Variants in SEMA6D observed in about 807,000 individuals in gnomAD.
SEMA6D encodes the protein semaphorin-6D.
SEMA6D carries 35 observed loss-of-function variants against 106.6 expected under a neutral mutation model. The observed-to-expected ratio is 0.33, with a 90% CI of 0.25 to 0.44. The LOEUF (loss-of-function observed/expected upper bound fraction) is 0.44. Among genes scored for constraint, SEMA6D ranks in the 20% least tolerant of loss-of-function variants. The pLI, the probability that SEMA6D is intolerant of heterozygous loss-of-function variation, is 1.00. For synonymous variants in SEMA6D, 499 were observed against 487.7 expected (o/e 1.02, Z -0.31); for missense variants, 1,185 against 1,345.9 (o/e 0.88, Z 1.87).
At chr15:47,307,574 T>C (rs969403178) in intron 1 of SEMA6D, among the ~76,000 whole-genome samples, 1 of 151,756 alleles carries the variant, frequency 6.6e-6, no homozygotes, top group Non-Finnish European at 1.5e-5. Context: ...TTGAGCTTAG[T>C]ACATCTCATT....
intron 1 of SEMA6D, chr15:47,185,895 C>T (rs1052828802): frequency 6.6e-5 from 10 of 152,044 alleles, no homozygotes; most frequent in Non-Finnish European, 1.5e-4. Flanking sequence ...AATGCTCTTT[C>T]TTTTTCTGAG....
intron 2 of SEMA6D, among the ~76,000 whole-genome samples, chr15:47,414,260 CATGATT>C (rs1320022127): frequency 6.6e-6 from 1 of 152,110 alleles, no homozygotes. Context: ...TGTTTTATTT[CATGATT>C]TAGAAGTGCT....
chr15:47,760,656 C>G (rs545894229), intron 3 of SEMA6D, among the ~76,000 whole-genome samples: 76 of 131,550 alleles, frequency 5.8e-4, no homozygotes, highest in African/African-American at 2.3e-3. Context: ...TTTCCTAAAG[C>G]AGCAGGGGAA....
intron 3 of SEMA6D, among the ~76,000 whole-genome samples, chr15:47,524,592 A>T (rs1208940596): frequency 2.0e-5 from 3 of 152,216 alleles, no homozygotes; most frequent in Non-Finnish European, 4.4e-5. Context: ...ATTATAAATG[A>T]CTTAATACCA....
chr15:47,730,946 G>T lies in SEMA6D; in HGVS notation c.-55+13254G>T, dbSNP rs971709652. 7.0e-6 allele frequency: 5 copies of T among 709,676 alleles called. No individual in the cohort carries two copies. In the African/African-American group the frequency reaches 8.8e-5, roughly 13 times the overall value. 44.0% of individuals were successfully genotyped at this position (709,676 alleles called of 1,614,324 possible). On this transcript the variant is annotated intron_variant, in intron 1 of 18. Transcript: ENST00000536845. Reference sequence around the variant, plus strand: ...CTTTCCTTTCAGCATCTTGGGCAGCGGGAGGAGAGAGCAATCTTCCTATTT... The same window carrying T: ...CTTTCCTTTCAGCATCTTGGGCAGCTGGAGGAGAGAGCAATCTTCCTATTT...
chr15:47,586,478 C>A (rs1360758752), intron 3 of SEMA6D, among the ~76,000 whole-genome samples: 1 of 152,190 alleles, frequency 6.6e-6, no homozygotes, highest in Non-Finnish European at 1.5e-5. Flanking sequence ...TTTTACAAAG[C>A]TATAACTTTT....
intron 1 of SEMA6D, among the ~76,000 whole-genome samples, chr15:47,354,913 C>A (rs954797638): frequency 6.6e-6 from 1 of 152,112 alleles, no homozygotes; most frequent in Non-Finnish European, 1.5e-5. Context: ...CAAAATCACT[C>A]AAAAATTTGT....
intron 1 of SEMA6D, among the ~76,000 whole-genome samples, chr15:47,203,849 TATTTA>T (rs1357232745): frequency 6.6e-6 from 1 of 152,234 alleles, no homozygotes; most frequent in East Asian, 1.9e-4. Context: ...CCTATTTGTT[TATTTA>T]ATTTAAGAGA....
chr15:47,581,967 A>G (rs1406382324), intron 3 of SEMA6D, among the ~76,000 whole-genome samples: 2 of 152,188 alleles, frequency 1.3e-5, no homozygotes, highest in Non-Finnish European at 2.9e-5. Context: ...GGGAAAGAGG[A>G]TATCGATTGG....
intron 2 of SEMA6D, among the ~76,000 whole-genome samples, chr15:47,448,107 C>G (rs954451855): frequency 2.6e-5 from 4 of 152,066 alleles, no homozygotes; most frequent in Non-Finnish European, 5.9e-5. Context: ...GGGTGTCCTG[C>G]CATTGGCTTT....
At chr15:47,580,671 A>G (rs987994559) in intron 3 of SEMA6D, among the ~76,000 whole-genome samples, 1 of 152,208 alleles carries the variant, frequency 6.6e-6, no homozygotes, top group Non-Finnish European at 1.5e-5. Context: ...AAAGCCCACT[A>G]TGCACCAGGC....
intron 1 of SEMA6D, among the ~76,000 whole-genome samples, chr15:47,265,325 T>TG (rs2034267164): frequency 6.6e-6 from 1 of 151,984 alleles, no homozygotes; most frequent in Non-Finnish European, 1.5e-5. Flanking sequence ...TTATTTCTCT[T>TG]GAGTCAGTTT....
At chr15:47,675,047 C>A (rs1008462323) in intron 4 of SEMA6D, among the ~76,000 whole-genome samples, 1 of 152,176 alleles carries the variant, frequency 6.6e-6, no homozygotes, top group Non-Finnish European at 1.5e-5. Flanking sequence ...GCAATGTAAG[C>A]CACAGAGGTG....
At chr15:47,287,301 A>G (rs919070907) in intron 1 of SEMA6D, among the ~76,000 whole-genome samples, 20 of 152,226 alleles carry the variant, frequency 1.3e-4, no homozygotes, top group Admixed American at 6.5e-5. Context: ...AGGCAATGGT[A>G]TGTAGTGGCT....
chr15:47,640,679 G>T (rs2077472761), intron 4 of SEMA6D, among the ~76,000 whole-genome samples: 1 of 152,150 alleles, frequency 6.6e-6, no homozygotes, highest in Non-Finnish European at 1.5e-5. Flanking sequence ...CGAACTGAGG[G>T]TCGTCAGGGT....
At chr15:47,420,206 C>T (rs2041108082) in intron 2 of SEMA6D, among the ~76,000 whole-genome samples, 1 of 151,966 alleles carries the variant, frequency 6.6e-6, no homozygotes, top group South Asian at 2.1e-4. Context: ...CATTACAGAG[C>T]CCAATAGCTC....
chr15:47,217,248 A>G (rs1267674973), intron 1 of SEMA6D, among the ~76,000 whole-genome samples: 2 of 152,170 alleles, frequency 1.3e-5, no homozygotes, highest in African/African-American at 4.8e-5. Flanking sequence ...AAATTGGCAC[A>G]ATGTTTCTGA....
At chr15:47,432,880 T>G (rs1373944736) in intron 2 of SEMA6D, among the ~76,000 whole-genome samples, 1 of 152,164 alleles carries the variant, frequency 6.6e-6, no homozygotes, top group Admixed American at 6.6e-5. Flanking sequence ...ATGTAAAAAT[T>G]ATTTTTCAAA....
At chr15:47,408,503 AT>A (rs1365058407) in intron 1 of SEMA6D, among the ~76,000 whole-genome samples, 38 of 152,234 alleles carry the variant, frequency 2.5e-4, no homozygotes, top group Non-Finnish European at 2.9e-5. Flanking sequence ...TAAATAACTT[AT>A]AATGCTTGCA....
Sources: allele counts gnomAD v4.1 joint callset (sites outside exome capture counted in the v4.1 genomes callset), GRCh38; gene constraint gnomAD v4.1.1; transcripts MANE v1.5; gene names NCBI Gene and HGNC (gene_info 2026-07-23, HGNC 2026-07-21).